Variants in ERLEC1 observed in about 807,000 individuals in gnomAD.
ERLEC1 encodes ER lectin.
A neutral mutation model predicts 68.0 loss-of-function variants in ERLEC1; 47 were observed. That is an observed-to-expected ratio of 0.69 (90% CI 0.55 to 0.88). The LOEUF (loss-of-function observed/expected upper bound fraction) is 0.88, where lower values mean the gene tolerates loss of function less well. Among genes scored for constraint, ERLEC1 ranks in the 40% least tolerant of loss-of-function variants. ERLEC1 has a pLI of 0.00. For missense variants in ERLEC1, 567 were observed against 583.8 expected (o/e 0.97, Z 0.30); for synonymous variants, 225 against 203.2 (o/e 1.11, Z -0.91).
intron 10 of ERLEC1, among the ~76,000 whole-genome samples, chr2:53,809,997 G>C (rs890743354): frequency 6.6e-6 from 1 of 152,188 alleles, no homozygotes; most frequent in Non-Finnish European, 1.5e-5. Context: ...GTTGCAGTGA[G>C]CCGAGATCAC....
intron 6 of ERLEC1, among the ~76,000 whole-genome samples, chr2:53,800,708 G>A (rs2692516): frequency 0.38 from 57,280 of 151,874 alleles, 11,014 homozygotes; most frequent in South Asian, 0.49. Context: ...AGAGAAAAGT[G>A]TAGGAGCTAA....
Position 53,808,281 on chromosome 2 carries a change from G to T in ERLEC1, c.880-18G>T, listed in dbSNP as rs116784223. 1.4e-5 allele frequency: 22 copies of T among 1,610,052 alleles called. No individual in the cohort carries two copies. Among genetic ancestry groups the T allele is most frequent in the Non-Finnish European group, 1.8e-5 (21 of 1,178,866 alleles). The stretch of plus-strand genomic sequence containing the variant: ...AAGTTTGGCATGGAAACCCTTAAAC[G>T]TGTGTGTTTAATTTTAGGAAGATTT... On this transcript the variant is annotated intron_variant, in intron 8 of 13. Transcript: ENST00000185150.
chr2:53,794,061 A>AT (rs1200436808), intron 1 of ERLEC1, among the ~76,000 whole-genome samples: 4 of 152,272 alleles, frequency 2.6e-5, no homozygotes, highest in Admixed American at 6.5e-5. Flanking sequence ...GTGACAAACT[A>AT]CCTATGAAGT....
intron 13 of ERLEC1, among the ~76,000 whole-genome samples, chr2:53,816,299 C>T (rs1676881698): frequency 7.0e-6 from 1 of 143,066 alleles, no homozygotes; most frequent in African/African-American, 2.6e-5. Context: ...TGGAGTCTCA[C>T]TCTGTCACCC....
chr2:53,789,862 TAAA>T (rs886597514), intron 1 of ERLEC1, among the ~76,000 whole-genome samples: 9 of 151,050 alleles, frequency 6.0e-5, no homozygotes, highest in African/African-American at 2.2e-4. Context: ...CTACTAAAAA[TAAA>T]AAAATTAGCC....
At chr2:53,804,989 CTT>C (rs746963770) in intron 8 of ERLEC1, among the ~76,000 whole-genome samples, 6 of 98,254 alleles carry the variant, frequency 6.1e-5, no homozygotes, top group African/African-American at 1.5e-4. Flanking sequence ...GACAGGATCT[CTT>C]TTTTTTTTTT....
chr2:53,797,412 T>C (rs1477203869), intron 3 of ERLEC1, 103 bp from the exon 4 acceptor site: 1 of 759,580 alleles, frequency 1.3e-6, no homozygotes, highest in Non-Finnish European at 2.1e-6. Flanking sequence ...AATGAAAGCT[T>C]ACTCTGAAAT....
chr2:53,818,070 A>G lies in ERLEC1; in HGVS notation c.*101A>G. 1.3e-6 allele frequency: 1 copy of G among 755,448 alleles called. No homozygotes were observed. Among genetic ancestry groups the G allele is most frequent in the Non-Finnish European group, 2.3e-6 (1 of 431,982 alleles). 46.8% of individuals were successfully genotyped at this position (755,448 alleles called of 1,614,324 possible). A position where few individuals can be genotyped will look rare whatever the true frequency, so the allele number is the denominator to read the frequency against. On this transcript the variant is annotated 3_prime_UTR_variant, in exon 14 of 14. Coordinates refer to ENST00000185150, the MANE Select transcript of ERLEC1 (RefSeq NM_015701.5). ...AGTTCTCAGCCATTGGACCTCTTCT[A>G]AAGGATGGTATAAAATGACTCTCAA...
In ERLEC1 at chr2:53,817,084, A is replaced by C. The variant is rs188824757; in HGVS notation, c.1381-814A>C. On this transcript the variant is annotated intron_variant, in intron 13 of 13. Coordinates refer to ENST00000185150, the MANE Select transcript of ERLEC1 (RefSeq NM_015701.5). ...TGAATTTATCACTGATGTATTTTTT[A>C]TCTCTTAACATTTCCACTTGGTTCT... 7.3e-5 allele frequency among the ~76,000 whole-genome samples: 11 copies of C among 151,202 alleles called. No homozygotes were observed. In the East Asian group the frequency reaches 1.4e-3, roughly 19 times the overall value.
rs1233577968 is a variant in ERLEC1, at chr2:53,808,418, A to G, written c.999A>G (p.Gln333=). Residue 333 remains glutamine (Q), a synonymous_variant, in exon 9 of 14, where the codon CAA becomes CAG. Coordinates refer to ENST00000185150, the MANE Select transcript of ERLEC1 (RefSeq NM_015701.5). ...ACATATCCAAATTGACAGATGACCA[A>G]CTCATAAAAGAGTTTCTTAGTGGTT... The part of the protein sequence containing the change: ...TTHISKLTDD[Q]LIKEFLSGSY... 9 of 1,614,006 alleles carry G rather than the reference A, an allele frequency of 5.6e-6. No individual in the cohort carries two copies. In the East Asian group the frequency reaches 6.7e-5, roughly 12 times the overall value.
At chr2:53,794,838 A>G (rs1234702658) in intron 2 of ERLEC1, among the ~76,000 whole-genome samples, 2 of 151,988 alleles carry the variant, frequency 1.3e-5, no homozygotes, top group African/African-American at 4.8e-5. Flanking sequence ...TATTTTTAGT[A>G]GAGACGGGGT....
intron 3 of ERLEC1, among the ~76,000 whole-genome samples, chr2:53,797,158 G>A (rs111979098): frequency 0.057 from 8,752 of 152,224 alleles, 477 homozygotes; most frequent in East Asian, 0.29. Context: ...GCCTCCCAAA[G>A]TGCTGGGATT....
chr2:53,793,145 A>G (rs1223205618), intron 1 of ERLEC1, among the ~76,000 whole-genome samples: 1 of 152,238 alleles, frequency 6.6e-6, no homozygotes, highest in Admixed American at 6.5e-5. Context: ...GAATTGAATT[A>G]TCTTAGAACA....
intron 8 of ERLEC1, among the ~76,000 whole-genome samples, chr2:53,805,326 G>C (rs1274601003): frequency 6.6e-6 from 1 of 151,898 alleles, no homozygotes; most frequent in African/African-American, 2.4e-5. Flanking sequence ...CCAGCTACAG[G>C]ATCTTATTCT....
intron 8 of ERLEC1, 23 bp downstream of exon 8, chr2:53,801,865 G>C (rs1676024709): frequency 1.3e-6 from 2 of 1,586,772 alleles, no homozygotes; most frequent in South Asian, 1.1e-5. Context: ...TCTAATGATA[G>C]CTTTTTGGTG....
At position 53,794,398 on chromosome 2, in the gene ERLEC1, A is replaced by G; in HGVS notation, c.216A>G (p.Ala72=). The G allele has an allele frequency of 1.3e-6, 2 of 1,592,552 alleles. No individual in the cohort carries two copies. The highest frequency in any genetic ancestry group is 2.3e-5 in the South Asian group (2 of 87,688). ...ATAATTATGTCATCATGACAACTGC[A>G]CATAAAGAAAAATATAAATGCATAC... is the stretch of plus-strand genomic sequence containing the variant. The part of the protein sequence containing the change: ...KEDNYVIMTT[A]HKEKYKCILP... The change falls in exon 2 of 14, where the codon GCA becomes GCG. Residue 72 remains alanine, a synonymous_variant. Coordinates refer to ENST00000185150, the MANE Select transcript of ERLEC1 (RefSeq NM_015701.5).
intron 13 of ERLEC1, 30 bp from the exon 14 acceptor site, chr2:53,817,868 C>T (rs369052898): frequency 2.7e-6 from 4 of 1,497,590 alleles, no homozygotes; most frequent in African/African-American, 1.4e-5. Flanking sequence ...AGCTTAGCAA[C>T]TTTTTAATGG....
In ERLEC1 at chr2:53,787,253, G is replaced by T; in HGVS notation, c.43G>T (p.Gly15Trp). ...CGGCGTACGGAGTCTGGTCCCGGGC[G>T]GGCCGGTGTTACTGGTCCTCTGCGG... is the stretch of plus-strand genomic sequence containing the variant. The part of the protein sequence containing the change: ...GGGVRSLVPG[G>W]PVLLVLCGLL... Residue 15 changes from glycine (G) to tryptophan (W), a missense_variant, in exon 1 of 14, where the codon GGG becomes TGG. Transcript: ENST00000185150. 1.2e-6 allele frequency: 2 copies of T among 1,607,350 alleles called. No individual in the cohort carries two copies. The highest frequency in any genetic ancestry group is 1.7e-4 in the Middle Eastern group (1 of 6,060).
At chr2:53,804,175 T>C (rs72901290) in intron 8 of ERLEC1, among the ~76,000 whole-genome samples, 2,008 of 152,332 alleles carry the variant, frequency 0.013, 51 homozygotes, top group African/African-American at 0.045. Flanking sequence ...AGCATTTTTT[T>C]TAATTTCTAA....
Sources: gnomAD v4.1 joint callset for allele counts (sites outside exome capture counted in the v4.1 genomes callset) on GRCh38, gnomAD v4.1.1 for gene constraint, MANE v1.5 for transcripts, NCBI Gene and HGNC (gene_info 2026-07-23, HGNC 2026-07-21) for gene names.